Variants in B3GLCT observed in about 807,000 individuals in gnomAD.
B3GLCT encodes the protein beta-1,3-glucosyltransferase.
In B3GLCT, 65 loss-of-function variants were observed where a neutral mutation model predicts 63.4. That is an observed-to-expected ratio of 1.03 (90% CI 0.84 to 1.26). B3GLCT has a LOEUF of 1.26. Among genes scored for constraint, B3GLCT ranks in the 50% most tolerant of loss-of-function variants. B3GLCT has a pLI of 0.00. For missense variants in B3GLCT, 577 were observed against 604.8 expected (o/e 0.95, Z 0.48); for synonymous variants, 233 against 219.2 (o/e 1.06, Z -0.55).
intron 12 of B3GLCT, among the ~76,000 whole-genome samples, chr13:31,290,629 CAT>C (rs1873607200): frequency 2.6e-5 from 4 of 152,180 alleles, no homozygotes; most frequent in South Asian, 2.1e-4. Flanking sequence ...AGCTTTTTTT[CAT>C]ATGTTTGTTG....
rs1875902427 is a variant in B3GLCT at position 31,331,155 on chromosome 13, T to G, written c.*1487T>G. On this transcript the variant is annotated 3_prime_UTR_variant, in exon 15 of 15. Transcript: ENST00000343307. ...AAGGATTTCTAGATCGCTTCAAGCC[T>G]ATACTGATGGCCTTAGCTTTGTTCA... The G allele has an allele frequency of 6.6e-6, 1 of 152,360 alleles. No individual in the cohort carries two copies. Among genetic ancestry groups the G allele is most frequent in the East Asian group, 1.9e-4 (1 of 5,184 alleles). The allele number at this position is 152,360 out of a possible 1,614,324, so 9.4% of individuals were successfully genotyped here. A position where few individuals can be genotyped will look rare whatever the true frequency, so the allele number is the denominator to read the frequency against.
chr13:31,242,225 C>G (rs1041592664), intron 4 of B3GLCT, among the ~76,000 whole-genome samples: 1 of 152,124 alleles, frequency 6.6e-6, no homozygotes, highest in Non-Finnish European at 1.5e-5. Flanking sequence ...TGCAGCAGAG[C>G]CATGTTGATA....
At chr13:31,315,322 G>A (rs958609813) in intron 12 of B3GLCT, among the ~76,000 whole-genome samples, 1 of 152,194 alleles carries the variant, frequency 6.6e-6, no homozygotes, top group Non-Finnish European at 1.5e-5. Context: ...TGAAGTCCAG[G>A]CTGAGATGGT....
chr13:31,321,693 T>C (rs7981275), intron 13 of B3GLCT, among the ~76,000 whole-genome samples: 3,416 of 152,306 alleles, frequency 0.022, 137 homozygotes, highest in African/African-American at 0.078. Flanking sequence ...GAGTCAGACA[T>C]GTAGGTTCCT....
intron 4 of B3GLCT, among the ~76,000 whole-genome samples, chr13:31,231,780 C>G (rs1456838255): frequency 6.6e-6 from 1 of 152,128 alleles, no homozygotes; most frequent in Non-Finnish European, 1.5e-5. Context: ...TCCTCTTCCC[C>G]TTAGGAAAAA....
rs1422118838 is a variant in B3GLCT at position 31,215,104 on chromosome 13, C to T, written c.120+4C>T. 6.2e-7 allele frequency: 1 copy of T among 1,609,684 alleles called. No homozygotes were observed. Among genetic ancestry groups the T allele is most frequent in the Non-Finnish European group, 8.5e-7 (1 of 1,178,542 alleles). On this transcript the variant is annotated splice_donor_region_variant and intron_variant, in intron 2 of 14. Coordinates refer to ENST00000343307, the MANE Select transcript of B3GLCT (RefSeq NM_194318.4). ...GAAAGAGGTCAAGCAGTCTCAGGTA[C>T]TAATCCCAATGATCAAATCTTTTCC...
At chr13:31,273,610 AT>A (rs1397880306) in intron 8 of B3GLCT, among the ~76,000 whole-genome samples, 1 of 150,302 alleles carries the variant, frequency 6.7e-6, no homozygotes, top group African/African-American at 2.5e-5. Context: ...TTTGTGTGTG[AT>A]TTTTTTTTCT....
intron 4 of B3GLCT, among the ~76,000 whole-genome samples, chr13:31,231,334 CAT>C (rs1433075591): frequency 6.6e-6 from 1 of 152,180 alleles, no homozygotes; most frequent in Non-Finnish European, 1.5e-5. Context: ...ATCCCTTACT[CAT>C]ATGAATTAAG....
chr13:31,287,432 A>G (rs992403724), intron 12 of B3GLCT, among the ~76,000 whole-genome samples: 1 of 152,164 alleles, frequency 6.6e-6, no homozygotes, highest in Admixed American at 6.5e-5. Flanking sequence ...TTGCCTCAAT[A>G]GGGGGGATAG....
intron 12 of B3GLCT, among the ~76,000 whole-genome samples, chr13:31,316,432 A>ATATATATATATATATATATATATATATAT (rs1566096056): frequency 1.4e-3 from 29 of 21,398 alleles, no homozygotes; most frequent in Non-Finnish European, 2.5e-3. Flanking sequence ...TATATATATA[A>ATATATATATATATATATATATATATATAT]ATTTTTTTTT....
chr13:31,262,052 G>A (rs1566068742), intron 7 of B3GLCT, among the ~76,000 whole-genome samples: 2 of 152,196 alleles, frequency 1.3e-5, no homozygotes, highest in Non-Finnish European at 2.9e-5. Context: ...ACTGAATTGT[G>A]TGGGGAAGGA....
At chr13:31,328,629 G>A (rs1258145956) in intron 14 of B3GLCT, among the ~76,000 whole-genome samples, 1 of 127,516 alleles carries the variant, frequency 7.8e-6, no homozygotes, top group African/African-American at 2.9e-5. Flanking sequence ...GGAGGCAGAG[G>A]TTGCAGTAAG....
chr13:31,216,743 C>G (rs1869582384), intron 2 of B3GLCT, among the ~76,000 whole-genome samples: 1 of 152,198 alleles, frequency 6.6e-6, no homozygotes, highest in African/African-American at 2.4e-5. Context: ...AGGCTAACGG[C>G]CTCCAGCTCC....
At chr13:31,308,486 C>T (rs568660348) in intron 12 of B3GLCT, among the ~76,000 whole-genome samples, 53 of 151,922 alleles carry the variant, frequency 3.5e-4, no homozygotes, top group African/African-American at 1.2e-3. Flanking sequence ...ACAGATCTTA[C>T]AGTGGCTTTT....
chr13:31,219,434 T>C (rs9541200), intron 2 of B3GLCT, among the ~76,000 whole-genome samples: 28,221 of 152,192 alleles, frequency 0.19, 2,768 homozygotes, highest in Non-Finnish European at 0.2. Context: ...GATGTGTGTA[T>C]TTGGCAATAA....
intron 14 of B3GLCT, among the ~76,000 whole-genome samples, chr13:31,325,508 GAGAAA>G (rs1875561860): frequency 6.6e-6 from 1 of 152,120 alleles, no homozygotes; most frequent in Non-Finnish European, 1.5e-5. Context: ...AAATGATAAG[GAGAAA>G]AGAAGGAAAA....
chr13:31,264,928 C>T (rs188318641), intron 7 of B3GLCT, among the ~76,000 whole-genome samples: 135 of 152,310 alleles, frequency 8.9e-4, no homozygotes, highest in African/African-American at 3.1e-3. Context: ...GTTGATCTAG[C>T]AGTTTATCAA....
chr13:31,296,294 T>C (rs907284285), intron 12 of B3GLCT, among the ~76,000 whole-genome samples: 1 of 152,248 alleles, frequency 6.6e-6, no homozygotes, highest in African/African-American at 2.4e-5. Context: ...TGTTTTGTTT[T>C]GTTTGATAAT....
intron 4 of B3GLCT, among the ~76,000 whole-genome samples, chr13:31,245,444 C>T (rs1338707525): frequency 6.6e-6 from 1 of 152,074 alleles, no homozygotes; most frequent in African/African-American, 2.4e-5. Flanking sequence ...TCTCATTGTT[C>T]TATCATCTTG....
Sources: gnomAD v4.1 joint callset for allele counts (sites outside exome capture counted in the v4.1 genomes callset) on GRCh38, gnomAD v4.1.1 for gene constraint, MANE v1.5 for transcripts, NCBI Gene and HGNC (gene_info 2026-07-23, HGNC 2026-07-21) for gene names.